CDH18: variants seen among roughly 807,000 people sequenced by gnomAD.
CDH18 encodes the protein cadherin-18.
A neutral mutation model predicts 67.9 loss-of-function variants in CDH18; 31 were observed. That is an observed-to-expected ratio of 0.46 (90% confidence interval 0.34 to 0.62). The LOEUF (loss-of-function observed/expected upper bound fraction) is 0.62, where lower values mean the gene tolerates loss of function less well. CDH18 is among the 20% of genes least tolerant of loss of function. The probability of loss-of-function intolerance (pLI) is 0.01; values close to 1 mark genes in which losing one functional copy is unlikely to be tolerated. For synonymous variants in CDH18, 362 were observed against 347.2 expected, an observed-to-expected ratio of 1.04 and a Z score of -0.48; for missense variants, 890 against 975.5, an observed-to-expected ratio of 0.91 and a Z score of 1.17.
chr5:20,402,329 A>C (rs1745840527), intron 1 of CDH18, among the ~76,000 whole-genome samples: 1 of 152,206 alleles, frequency 6.6e-6, no homozygotes, highest in Non-Finnish European at 1.5e-5. Context: ...ATCTAGATTC[A>C]CTTCATCATG....
chr5:19,868,182 G>T (rs576332024), intron 2 of CDH18, among the ~76,000 whole-genome samples: 37 of 152,210 alleles, frequency 2.4e-4, no homozygotes, highest in South Asian at 8.3e-4. Context: ...CAAGTGAAAT[G>T]GAATAATATT....
intron 2 of CDH18, among the ~76,000 whole-genome samples, chr5:19,860,024 T>TGTGTGTG (rs1784723718): frequency 3.0e-5 from 1 of 33,658 alleles, no homozygotes; most frequent in Non-Finnish European, 8.0e-5. Context: ...GTGTGTGTGT[T>TGTGTGTG]TAAGAGTATT....
chr5:19,709,001 C>T (rs2150518080), intron 5 of CDH18, among the ~76,000 whole-genome samples: 1 of 10,338 alleles, frequency 9.7e-5, no homozygotes, highest in Middle Eastern at 0.25. Context: ...GAACTAGACT[C>T]TGTTAAATAA....
At chr5:20,006,314 T>C (rs1398378822) in intron 2 of CDH18, among the ~76,000 whole-genome samples, 2 of 151,910 alleles carry the variant, frequency 1.3e-5, no homozygotes, top group Admixed American at 6.6e-5. Context: ...AGTTAATAGA[T>C]AAATAATTTT....
At chr5:19,858,416 A>T (rs188358780) in intron 2 of CDH18, among the ~76,000 whole-genome samples, 3 of 152,292 alleles carry the variant, frequency 2.0e-5, no homozygotes, top group African/African-American at 7.2e-5. Context: ...GGTTTGTCAT[A>T]AACTATTTTA....
chr5:19,790,530 T>A (rs939387023), intron 3 of CDH18, among the ~76,000 whole-genome samples: 2 of 152,110 alleles, frequency 1.3e-5, no homozygotes, highest in African/African-American at 4.8e-5. Flanking sequence ...GTAAATTCTA[T>A]AAAGTAACAG....
chr5:19,711,847 T>A (rs1764749560), intron 5 of CDH18, among the ~76,000 whole-genome samples: 2 of 151,970 alleles, frequency 1.3e-5, no homozygotes, highest in Admixed American at 6.6e-5. Context: ...AATCATTGTA[T>A]CAAAAGCATA....
chr5:19,994,851 T>TAGAGAGAGAGAGAGAGAGAGAGAGAG (rs796697683), intron 2 of CDH18, among the ~76,000 whole-genome samples: 2 of 39,200 alleles, frequency 5.1e-5, no homozygotes, highest in African/African-American at 1.2e-4. Context: ...TATATATATA[T>TAGAGAGAGAGAGAGAGAGAGAGAGAG]ATATAGAGAG....
At chr5:19,535,814 A>G (rs1195818417) in intron 9 of CDH18, among the ~76,000 whole-genome samples, 2 of 152,212 alleles carry the variant, frequency 1.3e-5, no homozygotes, top group African/African-American at 4.8e-5. Flanking sequence ...TTTCAGACAC[A>G]TTGAAAGTTT....
At chr5:20,270,959 A>G (rs1358504229) in intron 1 of CDH18, among the ~76,000 whole-genome samples, 1 of 152,040 alleles carries the variant, frequency 6.6e-6, no homozygotes, top group Non-Finnish European at 1.5e-5. Context: ...ATAGAGGGGA[A>G]CAACACACAC....
At chr5:19,671,248 T>C (rs1286508112) in intron 5 of CDH18, among the ~76,000 whole-genome samples, 1 of 152,136 alleles carries the variant, frequency 6.6e-6, no homozygotes, top group Non-Finnish European at 1.5e-5. Flanking sequence ...CACCACCTTC[T>C]GTGCTTTTGT....
intron 11 of CDH18, among the ~76,000 whole-genome samples, chr5:19,489,679 G>C (rs1200708040): frequency 6.6e-6 from 1 of 151,972 alleles, no homozygotes; most frequent in Non-Finnish European, 1.5e-5. Context: ...CTATTACCAA[G>C]ATTTTTAAAA....
chr5:19,983,033 G>GGA (rs1799215413), intron 1 of CDH18, among the ~76,000 whole-genome samples: 1 of 100,370 alleles, frequency 1.0e-5, no homozygotes, highest in East Asian at 2.6e-4. Context: ...ACTCCATCTC[G>GGA]AAAAAAAAAA....
At chr5:20,233,680 T>C (rs191979721) in intron 2 of CDH18, among the ~76,000 whole-genome samples, 13 of 152,156 alleles carry the variant, frequency 8.5e-5, no homozygotes, top group African/African-American at 3.1e-4. Flanking sequence ...AAGAATGAAT[T>C]TATTTTCTTT....
At chr5:20,296,158 G>T (rs1747495751) in intron 1 of CDH18, among the ~76,000 whole-genome samples, 1 of 151,576 alleles carries the variant, frequency 6.6e-6, no homozygotes, top group Non-Finnish European at 1.5e-5. Context: ...GCAGGTGTCA[G>T]CCATCGCGCC....
chr5:19,649,808 T>C (rs928097841), intron 5 of CDH18, among the ~76,000 whole-genome samples: 1 of 151,732 alleles, frequency 6.6e-6, no homozygotes. Flanking sequence ...ACTTCCAGGG[T>C]TCTTATATAT....
chr5:20,214,740 G>A (rs1009119619), intron 2 of CDH18, among the ~76,000 whole-genome samples: 1 of 151,924 alleles, frequency 6.6e-6, no homozygotes, highest in Non-Finnish European at 1.5e-5. Flanking sequence ...TGCAAACCTA[G>A]AAATACAACT....
At chr5:19,498,740 C>G (rs1407769243) in intron 11 of CDH18, among the ~76,000 whole-genome samples, 4 of 152,170 alleles carry the variant, frequency 2.6e-5, no homozygotes, top group South Asian at 2.1e-4. Flanking sequence ...TTATATGGAA[C>G]TTTAGCCAGT....
chr5:20,152,286 A>G lies in CDH18; in HGVS notation c.-518+103158T>C, dbSNP rs1024951429. ...ATATATAAAAACTATATAATTATAT[A>G]TATATTGGGCTTGAAAACAAATTAA... On this transcript the variant is annotated intron_variant, in intron 2 of 14. Transcript: ENST00000507958. Among the ~76,000 whole-genome samples the G allele has an allele frequency of 2.0e-4, 29 of 147,200 alleles. 1 individual carries two copies. Among genetic ancestry groups the G allele is most frequent in the Non-Finnish European group, 3.6e-4 (24 of 66,978 alleles).
Sources: gnomAD v4.1 joint callset for allele counts (sites outside exome capture counted in the v4.1 genomes callset) on GRCh38, gnomAD v4.1.1 for gene constraint, MANE v1.5 for transcripts, NCBI Gene and HGNC (gene_info 2026-07-23, HGNC 2026-07-21) for gene names.